HAUS6: variants seen among roughly 807,000 people sequenced by gnomAD.
HAUS6 encodes HAUS augmin-like complex subunit 6.
HAUS6 carries 80 observed loss-of-function variants against 106.8 expected under a neutral mutation model. The observed-to-expected ratio is 0.75, with a 90% confidence interval of 0.63 to 0.90. HAUS6 has a LOEUF of 0.90. Ranked by LOEUF, HAUS6 falls within the 40% of genes least tolerant of loss-of-function variation. The probability of loss-of-function intolerance (pLI) is 0.00; values close to 1 mark genes in which losing one functional copy is unlikely to be tolerated. For missense variants in HAUS6, 1,155 were observed against 1,118.1 expected, an observed-to-expected ratio of 1.03 and a Z score of -0.47; for synonymous variants, 356 against 379.1, an observed-to-expected ratio of 0.94 and a Z score of 0.71.
At chr9:19,098,905 C>G (rs747122692) in intron 1 of HAUS6, among the ~76,000 whole-genome samples, 1 of 150,994 alleles carries the variant, frequency 6.6e-6, no homozygotes, top group Non-Finnish European at 1.5e-5. Context: ...GCCTAAAATC[C>G]CAGCTACTCC....
At chr9:19,074,445 AT>A (rs1204369682) in intron 11 of HAUS6, among the ~76,000 whole-genome samples, 1 of 151,746 alleles carries the variant, frequency 6.6e-6, no homozygotes, top group Non-Finnish European at 1.5e-5. Context: ...CTAATTTTTC[AT>A]TTTTTTGTAG....
At chr9:19,070,464 G>A (rs1206418449) in intron 11 of HAUS6, among the ~76,000 whole-genome samples, 164 bp from the exon 12 acceptor site, 3 of 152,182 alleles carry the variant, frequency 2.0e-5, no homozygotes, top group African/African-American at 4.8e-5. Flanking sequence ...AGTATAAAGT[G>A]ATGAGCAGAA....
intron 4 of HAUS6, among the ~76,000 whole-genome samples, chr9:19,092,744 T>A (rs1349696054): frequency 6.7e-6 from 1 of 149,752 alleles, no homozygotes; most frequent in Non-Finnish European, 1.5e-5. Context: ...GCTAACATGG[T>A]AAAACTCCAT....
intron 5 of HAUS6, among the ~76,000 whole-genome samples, chr9:19,089,026 T>C (rs1333952576): frequency 6.6e-6 from 1 of 152,172 alleles, no homozygotes; most frequent in Admixed American, 6.6e-5. Flanking sequence ...GCAGAATACG[T>C]GAGCTCAGAA....
At chr9:19,071,311 A>G (rs1218332728) in intron 11 of HAUS6, among the ~76,000 whole-genome samples, 2 of 152,214 alleles carry the variant, frequency 1.3e-5, no homozygotes, top group African/African-American at 4.8e-5. Flanking sequence ...TGAGATACAA[A>G]AAAGTTGTAA....
Position 19,102,789 on chromosome 9 carries a change from A to T in HAUS6, c.-138T>A. On this transcript the variant is annotated 5_prime_UTR_variant, in exon 1 of 17. Transcript: ENST00000380502. ...GCCAACGCCTGCTCCTTTCACGCCC[A>T]GAGCGATTTCGCCTCAAAGGGCCTC... 1.2e-6 allele frequency: 1 copy of T among 805,192 alleles called. No homozygotes were observed. Among genetic ancestry groups the T allele is most frequent in the Admixed American group, 3.2e-5 (1 of 30,842 alleles). 49.9% of individuals were successfully genotyped at this position (805,192 alleles called of 1,614,324 possible). A position where few individuals can be genotyped will look rare whatever the true frequency, so the allele number is the denominator to read the frequency against.
intron 2 of HAUS6, among the ~76,000 whole-genome samples, chr9:19,096,266 G>C (rs140738555): frequency 4.5e-4 from 69 of 152,242 alleles, no homozygotes; most frequent in African/African-American, 1.5e-3. Context: ...CAAAGGCCAA[G>C]TTGAAATTCT....
At chr9:19,080,794 G>A (rs955848649) in intron 8 of HAUS6, 122 bp from the exon 9 acceptor site, 7 of 624,782 alleles carry the variant, frequency 1.1e-5, no homozygotes, top group African/African-American at 3.7e-5. Context: ...AAGGCCAGAC[G>A]CAACGGCTCA....
chr9:19,074,002 C>G (rs1211075435), intron 11 of HAUS6: 1 of 152,102 alleles, frequency 6.6e-6, no homozygotes, highest in Non-Finnish European at 1.5e-5. Flanking sequence ...AATCCCAGCA[C>G]TTTGGGAGGC....
At chr9:19,056,834 C>T in intron 16 of HAUS6, 1 of 158,686 alleles carries the variant, frequency 6.3e-6, no homozygotes, top group Non-Finnish European at 1.4e-5. Flanking sequence ...CTCCTGGGTT[C>T]AAGTGATCCT....
chr9:19,073,781 C>G (rs976023495), intron 11 of HAUS6: 4 of 152,152 alleles, frequency 2.6e-5, no homozygotes, highest in Non-Finnish European at 5.9e-5. Flanking sequence ...GATGCTCTAT[C>G]TGAAGCTCCC....
intron 16 of HAUS6, chr9:19,057,609 T>C: frequency 3.6e-6 from 1 of 275,868 alleles, no homozygotes; most frequent in Non-Finnish European, 6.8e-6. Context: ...TATTACACCA[T>C]TATAGTGATG....
chr9:19,056,238 A>G lies in HAUS6; in HGVS notation c.*105T>C. 1.5e-6 allele frequency: 1 copy of G among 652,920 alleles called. No individual in the cohort carries two copies. Among genetic ancestry groups the G allele is most frequent in the Non-Finnish European group, 2.7e-6 (1 of 363,662 alleles). 40.4% of individuals were successfully genotyped at this position (652,920 alleles called of 1,614,324 possible). On this transcript the variant is annotated 3_prime_UTR_variant, in exon 17 of 17. Transcript: ENST00000380502. ...ATTAGGAATTTTTTTAAACCTTGAA[A>G]AACAGTGTTACACTTCCAACATGTA...
At chr9:19,080,873 G>C (rs992428343) in intron 8 of HAUS6, among the ~76,000 whole-genome samples, 1 of 152,142 alleles carries the variant, frequency 6.6e-6, no homozygotes, top group East Asian at 1.9e-4. Context: ...GGGAGTTCGA[G>C]ACCAGCCTGA....
At chr9:19,073,359 G>T (rs1836918833) in intron 11 of HAUS6, among the ~76,000 whole-genome samples, 1 of 151,714 alleles carries the variant, frequency 6.6e-6, no homozygotes, top group Non-Finnish European at 1.5e-5. Flanking sequence ...GGCGGAAAAG[G>T]TTGTTTTACC....
rs527501426 is a variant in HAUS6, at chr9:19,083,852, A to C, written c.700-809T>G. On this transcript the variant is annotated intron_variant, in intron 7 of 16. Transcript: ENST00000380502. ...AAGAGAAAAAAACTACTACATCTCA[A>C]TTTTAAGTCATTCAGTTTGAGGAAG... 4.6e-5 allele frequency among the ~76,000 whole-genome samples: 7 copies of C among 151,968 alleles called. No individual in the cohort carries two copies. The South Asian group carries it at 1.2e-3, about 27-fold the overall frequency.
intron 4 of HAUS6, 28 bp downstream of exon 4, chr9:19,093,143 C>T: frequency 7.1e-7 from 1 of 1,409,846 alleles, no homozygotes; most frequent in Non-Finnish European, 9.7e-7. Context: ...AGAATCAAAA[C>T]AAAAAATCTT....
chr9:19,076,221 G>C (rs948177244), intron 11 of HAUS6, among the ~76,000 whole-genome samples: 24 of 151,246 alleles, frequency 1.6e-4, no homozygotes, highest in Non-Finnish European at 1.9e-4. Flanking sequence ...ATAAAAATTA[G>C]ACGGGTGTGG....
chr9:19,064,330 A>C (rs1426383004), intron 12 of HAUS6, among the ~76,000 whole-genome samples: 4 of 152,134 alleles, frequency 2.6e-5, no homozygotes, highest in Non-Finnish European at 5.9e-5. Context: ...TCATATGCTA[A>C]ATTTTACTCT....
Sources: gnomAD v4.1 joint callset for allele counts (sites outside exome capture counted in the v4.1 genomes callset) on GRCh38, gnomAD v4.1.1 for gene constraint, MANE v1.5 for transcripts, NCBI Gene and HGNC (gene_info 2026-07-23, HGNC 2026-07-21) for gene names.